The following TRMT2A variants were observed in gnomAD, a reference collection of about 807,000 sequenced individuals.
TRMT2A encodes tRNA methyltransferase 2A.
In TRMT2A, 60 loss-of-function variants were observed where a neutral mutation model predicts 59.3. That is an observed-to-expected ratio of 1.01 (90% CI 0.82 to 1.26). The LOEUF (loss-of-function observed/expected upper bound fraction) is 1.26, where lower values mean the gene tolerates loss of function less well. TRMT2A is among the 50% of genes most tolerant of loss of function. TRMT2A has a pLI of 0.00. For missense variants in TRMT2A, 863 were observed against 845.2 expected (o/e 1.02, Z -0.26); for synonymous variants, 403 against 353.7 (o/e 1.14, Z -1.56).
At chr22:20,116,014 G>A (rs1256700529) in intron 2 of TRMT2A, 24 bp downstream of exon 2, 1 of 1,533,996 alleles carries the variant, frequency 6.5e-7, no homozygotes, top group Non-Finnish European at 8.8e-7. Context: ...CTGGCCAAGA[G>A]GGGCGTCTTG....
intron 9 of TRMT2A, 57 bp downstream of exon 9, chr22:20,113,375 G>C (rs2049907003): frequency 6.4e-7 from 1 of 1,569,616 alleles, no homozygotes; most frequent in South Asian, 1.2e-5. Context: ...GCTGAGGCTT[G>C]CAGCAGGGGT....
chr22:20,112,881 G>GC, intron 11 of TRMT2A, 30 bp downstream of exon 11: 2 of 1,612,464 alleles, frequency 1.2e-6, no homozygotes, highest in Non-Finnish European at 1.7e-6. Flanking sequence ...AGCAGGCCTA[G>GC]CCCCCACCCA....
chr22:20,114,965 C>T lies in TRMT2A; in HGVS notation c.1005G>A (p.Gln335=). ...QAMAIAYFHP[Q]KLSPEELAEL... is the part of the protein sequence containing the mutation. ...CCCCCAGCAGGGCCCCCGTTGAGAC[C>T]TGGGGGTGGAAGTAGGCAATGGCCA... Residue 335 remains glutamine, a splice_region_variant and synonymous_variant, in exon 5 of 12, where the codon CAG becomes CAA. Coordinates refer to ENST00000252136, the MANE Select transcript of TRMT2A (RefSeq NM_022727.6). 4 of 1,588,636 alleles carry T rather than the reference C, an allele frequency of 2.5e-6. No homozygotes were observed. Among genetic ancestry groups the T allele is most frequent in the Non-Finnish European group, 3.4e-6 (4 of 1,168,894 alleles).
At position 20,116,223 on chromosome 22, in the gene TRMT2A, T is replaced by TG. The variant is rs747932902; in HGVS notation, c.413dup (p.Leu139ThrfsTer22). Reference sequence around the variant, plus strand: ...TGGGCCGGGCCAGGCGCACACTGAGTGGGCGGCCTTTCCAGAGGGCACCAT... The same window carrying TG: ...TGGGCCGGGCCAGGCGCACACTGAGTGGGGCGGCCTTTCCAGAGGGCACCAT... On this transcript the variant is annotated frameshift_variant, in exon 2 of 12. Transcript: ENST00000252136. LOFTEE classifies it high-confidence loss of function. 5.6e-6 allele frequency: 9 copies of TG among 1,612,798 alleles called. No individual in the cohort carries two copies. Among genetic ancestry groups the TG allele is most frequent in the Non-Finnish European group, 7.6e-6 (9 of 1,180,014 alleles).
At chr22:20,115,175 G>A in intron 4 of TRMT2A, 91 bp downstream of exon 4, 5 of 1,572,474 alleles carry the variant, frequency 3.2e-6, no homozygotes, top group Non-Finnish European at 4.3e-6. Flanking sequence ...TGGCTGAAAT[G>A]GCAGGCACTC....
Position 20,112,536 on chromosome 22 carries a change from C to T in TRMT2A, c.*27G>A. On this transcript the variant is annotated 3_prime_UTR_variant, in exon 12 of 12. Transcript: ENST00000252136. ...CCCTGGGGCCCTGGGAGCCCTTCAG[C>T]TCCTGTCCCCATAATGGGTCCTGGG... 6.2e-7 allele frequency: 1 copy of T among 1,608,462 alleles called. No individual in the cohort carries two copies. Among genetic ancestry groups the T allele is most frequent in the South Asian group, 1.1e-5 (1 of 90,778 alleles).
chr22:20,113,681 C>A lies in TRMT2A; in HGVS notation c.1356+5G>T. 1 of 1,592,798 alleles carries A rather than the reference C, an allele frequency of 6.3e-7. No individual in the cohort carries two copies. Among genetic ancestry groups the A allele is most frequent in the Non-Finnish European group, 8.6e-7 (1 of 1,169,548 alleles). On this transcript the variant is annotated splice_donor_5th_base_variant and intron_variant, in intron 8 of 11. Transcript: ENST00000252136. ...GGGTGCCCTCAGCAGGGCAGGAGGG[C>A]TCACCCGGGCCAGGGCCAGGCCAAT...
At chr22:20,112,847 T>C in intron 11 of TRMT2A, 53 bp from the exon 12 acceptor site, 5 of 1,612,448 alleles carry the variant, frequency 3.1e-6, no homozygotes, top group Non-Finnish European at 4.2e-6. Flanking sequence ...AATCAGGGGC[T>C]CCTGTGGGAG....
chr22:20,116,103 C>T lies in TRMT2A; in HGVS notation c.534G>A (p.Val178=). The T allele has an allele frequency of 6.2e-7, 1 of 1,607,726 alleles. No individual in the cohort carries two copies. ...VADVVTPLWT[V]PYAEQLERKQ... Reference sequence around the variant, plus strand: ...TCCGCTCAAGCTGCTCAGCATAGGGCACTGTCCATAGAGGGGTCACCACGT... The same window carrying T: ...TCCGCTCAAGCTGCTCAGCATAGGGTACTGTCCATAGAGGGGTCACCACGT... Residue 178 remains valine (V), a synonymous_variant, in exon 2 of 12, where the codon GTG becomes GTA. Transcript: ENST00000252136.
At chr22:20,113,334 C>T in intron 9 of TRMT2A, 98 bp downstream of exon 9, 1 of 1,520,422 alleles carries the variant, frequency 6.6e-7, no homozygotes, top group Non-Finnish European at 8.9e-7. Flanking sequence ...ACTTGCTCTA[C>T]CTGTCGGGCA....
chr22:20,114,032 C>T (rs2049928922), intron 7 of TRMT2A, among the ~76,000 whole-genome samples: 1 of 152,234 alleles, frequency 6.6e-6, no homozygotes, highest in Admixed American at 6.5e-5. Flanking sequence ...ACAGCCTCCT[C>T]CTTGCCCCAC....
rs773751803 is a variant in TRMT2A at position 20,115,302 on chromosome 22, G to C, written c.854C>G (p.Thr285Ser). Residue 285 changes from threonine to serine, a missense_variant, in exon 4 of 12, where the codon ACC becomes AGC. Physicochemically the swap from Thr to Ser is moderately conservative, Grantham distance 58 (BLOSUM62 1). Coordinates refer to ENST00000252136, the MANE Select transcript of TRMT2A (RefSeq NM_022727.6). ...PFDTVHIPEA[T>S]KQVVKAFQEF... ...CTGGAAGGCCTTCACCACCTGCTTG[G>C]TGGCTTCGGGGATGTGCACGGTGTC... is the stretch of plus-strand genomic sequence containing the variant. 2 of 1,612,772 alleles carry C rather than the reference G, an allele frequency of 1.2e-6. No individual in the cohort carries two copies. Among genetic ancestry groups the C allele is most frequent in the Non-Finnish European group, 1.7e-6 (2 of 1,179,864 alleles).
chr22:20,116,670 C>T (rs2050033090), intron 1 of TRMT2A, 58 bp from the exon 2 acceptor site: 1 of 1,503,660 alleles, frequency 6.7e-7, no homozygotes, highest in African/African-American at 1.4e-5. Context: ...GCCTGGCCCC[C>T]CAAGCTTCCT....
In TRMT2A at chr22:20,115,250, C is replaced by A. The variant is rs141101019; in HGVS notation, c.890+16G>T. On this transcript the variant is annotated intron_variant, in intron 4 of 11. Coordinates refer to ENST00000252136, the MANE Select transcript of TRMT2A (RefSeq NM_022727.6). ...ACCGCATAGGACTTCCCGGGAGCCC[C>A]GTCACAGGTCCTCACCGGATGAACT... 2 of 1,603,892 alleles carry A rather than the reference C, an allele frequency of 1.2e-6. No homozygotes were observed. Among genetic ancestry groups the A allele is most frequent in the African/African-American group, 1.3e-5 (1 of 74,886 alleles).
chr22:20,116,910 C>T lies in TRMT2A; in HGVS notation c.-4G>A. On this transcript the variant is annotated 5_prime_UTR_variant, in exon 1 of 12. Transcript: ENST00000252136. ...CGTTGTCGAGGTTCTCACTCATCGC[C>T]CAGGCGGTTCTCCGCCTAGACCAGG... The T allele has an allele frequency of 6.3e-7, 1 of 1,598,318 alleles. No individual in the cohort carries two copies. Among genetic ancestry groups the T allele is most frequent in the Non-Finnish European group, 8.5e-7 (1 of 1,172,622 alleles).
At chr22:20,116,839 C>G in intron 1 of TRMT2A, 44 bp downstream of exon 1, 1 of 1,464,392 alleles carries the variant, frequency 6.8e-7, no homozygotes, top group Non-Finnish European at 9.5e-7. Context: ...CCCGCCTCCT[C>G]CCACCCCATC....
Position 20,112,946 on chromosome 22 carries a change from T to C in TRMT2A, c.1611A>G (p.Ser537=). Residue 537 remains serine (S), a synonymous_variant, in exon 11 of 12, where the codon TCA becomes TCG. Coordinates refer to ENST00000252136, the MANE Select transcript of TRMT2A (RefSeq NM_022727.6). Reference sequence around the variant, plus strand: ...TGCCCATGGCTGCCCGGGGGTTGCATGAGACGTACAGCAGCCGCCTGAGGT... The same window carrying C: ...TGCCCATGGCTGCCCGGGGGTTGCACGAGACGTACAGCAGCCGCCTGAGGT... The part of the protein sequence containing the change: ...AKNLRRLLYV[S]CNPRAAMGNF... 1 of 1,612,982 alleles carries C rather than the reference T, an allele frequency of 6.2e-7. No homozygotes were observed. The highest frequency in any genetic ancestry group is 8.5e-7 in the Non-Finnish European group (1 of 1,179,334).
chr22:20,112,237 T>G lies in TRMT2A; in HGVS notation c.*326A>C. On this transcript the variant is annotated 3_prime_UTR_variant, in exon 12 of 12. Coordinates refer to ENST00000252136, the MANE Select transcript of TRMT2A (RefSeq NM_022727.6). The stretch of plus-strand genomic sequence containing the variant: ...GCTTGCAGAGCTGCCTAGGCCTAGT[T>G]TGGCCCTTTCCCTGGCACCCAGGCC... The G allele has an allele frequency of 2.6e-6, 1 of 390,248 alleles. No individual in the cohort carries two copies. The highest frequency in any genetic ancestry group is 4.6e-6 in the Non-Finnish European group (1 of 216,604). The allele number at this position is 390,248 out of a possible 1,614,324, so 24.2% of individuals were successfully genotyped here. A position where few individuals can be genotyped will look rare whatever the true frequency, so the allele number is the denominator to read the frequency against.
Position 20,112,709 on chromosome 22 carries a change from G to A in TRMT2A, c.1732C>T (p.Pro578Ser), listed in dbSNP as rs746089952. Reference protein sequence around the residue: ...AVAVDLFPQTPHCEMLILFER... With the variant: ...AVAVDLFPQTSHCEMLILFER... Reference sequence around the variant, plus strand: ...AACAGGATGAGCATCTCACAGTGCGGGGTCTGCGGGAACAGGTCCACTGCC... The same window carrying A: ...AACAGGATGAGCATCTCACAGTGCGAGGTCTGCGGGAACAGGTCCACTGCC... The change falls in exon 12 of 12, where the codon CCG becomes TCG. Residue 578 changes from proline (P) to serine (S), a missense_variant. By Grantham distance (74) the Pro-to-Ser change is moderately conservative (BLOSUM62 -1). Coordinates refer to ENST00000252136, the MANE Select transcript of TRMT2A (RefSeq NM_022727.6). The A allele has an allele frequency of 6.2e-7, 1 of 1,613,902 alleles. No homozygotes were observed. Among genetic ancestry groups the A allele is most frequent in the East Asian group, 2.2e-5 (1 of 44,900 alleles).
Sources: allele counts gnomAD v4.1 joint callset (sites outside exome capture counted in the v4.1 genomes callset), GRCh38; gene constraint gnomAD v4.1.1; transcripts MANE v1.5; gene names NCBI Gene and HGNC (gene_info 2026-07-23, HGNC 2026-07-21).